Variants in SPANXN1 observed in about 807,000 individuals in gnomAD.
SPANXN1 encodes sperm protein associated with the nucleus on the X chromosome N1.
In SPANXN1, 1 loss-of-function variant was observed where a neutral mutation model predicts 2.0. The observed-to-expected ratio is 0.50, with a 90% CI of 0.18 to 2.36. SPANXN1 has a LOEUF of 2.36. SPANXN1 is among the 30% of genes most tolerant of loss of function. SPANXN1 has a pLI of 0.26. For synonymous variants in SPANXN1, 27 were observed against 21.3 expected, an observed-to-expected ratio of 1.27 and a Z score of -0.74; for missense variants, 55 against 51.8, an observed-to-expected ratio of 1.06 and a Z score of -0.19.
At chrX:145,254,376 G>C (rs1196715711) in intron 1 of SPANXN1, among the ~76,000 whole-genome samples, 1 of 112,172 alleles carries the variant, frequency 8.9e-6, no homozygotes, top group Non-Finnish European at 1.9e-5. Flanking sequence ...TTTTTTGGAA[G>C]AGGGGAGTGA....
At chrX:145,248,275 AG>A (rs2070770280) in intron 1 of SPANXN1, among the ~76,000 whole-genome samples, 1 of 111,650 alleles carries the variant, frequency 9.0e-6, no homozygotes, top group Non-Finnish European at 1.9e-5. Flanking sequence ...GACTTGGCAG[AG>A]GAGAAGGATG....
intron 1 of SPANXN1, among the ~76,000 whole-genome samples, chrX:145,252,764 G>A (rs2070791401): frequency 9.1e-6 from 1 of 110,110 alleles, no homozygotes; most frequent in African/African-American, 3.3e-5. Context: ...GGAGGTCTGG[G>A]ATTTACTTAA....
At chrX:145,248,456 T>G (rs1394031027) in intron 1 of SPANXN1, among the ~76,000 whole-genome samples, 4 of 111,985 alleles carry the variant, frequency 3.6e-5, no homozygotes, top group Admixed American at 2.8e-4. Context: ...GCATCAGAGA[T>G]GCTTAGTTCT....
At chrX:145,254,997 C>T (rs1556882914) in intron 1 of SPANXN1, among the ~76,000 whole-genome samples, 1 of 107,006 alleles carries the variant, frequency 9.3e-6, no homozygotes, top group African/African-American at 3.8e-5. Context: ...CCCATTAGAA[C>T]CCAATCACCA....
At chrX:145,252,921 G>A (rs1408384887) in intron 1 of SPANXN1, among the ~76,000 whole-genome samples, 3 of 110,618 alleles carry the variant, frequency 2.7e-5, no homozygotes, top group Non-Finnish European at 3.8e-5. Flanking sequence ...ATTGAAAAAC[G>A]GAAAAAGGGT....
At chrX:145,251,900 T>G (rs2070787414) in intron 1 of SPANXN1, among the ~76,000 whole-genome samples, 1 of 110,951 alleles carries the variant, frequency 9.0e-6, no homozygotes, top group Admixed American at 9.6e-5. Context: ...ATGTCCCAAA[T>G]TAGCTCCTTT....
chrX:145,249,173 G>C (rs2070775079), intron 1 of SPANXN1, among the ~76,000 whole-genome samples: 1 of 110,696 alleles, frequency 9.0e-6, no homozygotes, highest in South Asian at 3.9e-4. Flanking sequence ...AGGTTGACAG[G>C]AAGGGATGTG....
At chrX:145,249,871 A>G (rs12009382) in intron 1 of SPANXN1, among the ~76,000 whole-genome samples, 3,717 of 110,702 alleles carry the variant, frequency 0.034, 163 homozygotes, top group African/African-American at 0.12. Flanking sequence ...ATGTTGGGTG[A>G]GGTGTAACGC....
intron 1 of SPANXN1, 71 bp from the exon 2 acceptor site, chrX:145,255,600 C>G: frequency 1.7e-6 from 2 of 1,192,798 alleles, no homozygotes; most frequent in Non-Finnish European, 2.3e-6. Context: ...ATAAAGCCCC[C>G]CTTGCTATCC....
chrX:145,248,955 G>A (rs782315524), intron 1 of SPANXN1, among the ~76,000 whole-genome samples: 4 of 111,731 alleles, frequency 3.6e-5, no homozygotes, highest in Non-Finnish European at 7.5e-5. Context: ...GCGTTGGTAA[G>A]AGGTATTTTA....
chrX:145,255,863 T>C lies in SPANXN1; in HGVS notation c.*49T>C, dbSNP rs782773441. 5 of 1,211,322 alleles carry C rather than the reference T, an allele frequency of 4.1e-6. No homozygotes were observed. The highest frequency in any genetic ancestry group is 5.6e-6 in the Non-Finnish European group (5 of 895,090). ...AGAGGAGGAGGACGAAGGCCTAGACTCAGCTGAAGGATCTTCAAAGCAGGA... is the reference window on the plus strand; with the variant it reads ...AGAGGAGGAGGACGAAGGCCTAGACCCAGCTGAAGGATCTTCAAAGCAGGA... On this transcript the variant is annotated 3_prime_UTR_variant, in exon 2 of 2. Coordinates refer to ENST00000370493, the MANE Select transcript of SPANXN1 (RefSeq NM_001009614.3).
chrX:145,251,449 A>G (rs1346812912), intron 1 of SPANXN1, among the ~76,000 whole-genome samples: 2 of 111,758 alleles, frequency 1.8e-5, no homozygotes, highest in African/African-American at 6.5e-5. Context: ...TGTGCCTCTA[A>G]GGCCAGTGAT....
intron 1 of SPANXN1, among the ~76,000 whole-genome samples, chrX:145,255,110 A>G (rs782108844): frequency 8.9e-6 from 1 of 111,802 alleles, no homozygotes; most frequent in Admixed American, 9.4e-5. Flanking sequence ...ACACAGGAAT[A>G]TTGCAGAAAC....
chrX:145,253,657 A>G (rs182097466), intron 1 of SPANXN1, among the ~76,000 whole-genome samples: 66 of 110,823 alleles, frequency 6.0e-4, no homozygotes, highest in African/African-American at 1.9e-3. Context: ...GACAATTCCA[A>G]TTGGGGTCAG....
chrX:145,256,041 C>T lies in SPANXN1; in HGVS notation c.*227C>T. 1.7e-6 allele frequency: 1 copy of T among 600,241 alleles called. No homozygotes were observed. Among genetic ancestry groups the T allele is most frequent in the South Asian group, 2.7e-5 (1 of 37,257 alleles). 49.5% of individuals were successfully genotyped at this position (600,241 alleles called of 1,213,427 possible). ...AAGCAGGATGAAGACCTAGACTTACCTGAAGGATCTTCACAGGAGGATAAA... is the reference window on the plus strand; with the variant it reads ...AAGCAGGATGAAGACCTAGACTTACTTGAAGGATCTTCACAGGAGGATAAA... On this transcript the variant is annotated 3_prime_UTR_variant, in exon 2 of 2. Transcript: ENST00000370493.
chrX:145,250,158 C>T (rs2070779817), intron 1 of SPANXN1, among the ~76,000 whole-genome samples: 1 of 111,601 alleles, frequency 9.0e-6, no homozygotes, highest in Non-Finnish European at 1.9e-5. Flanking sequence ...CAGCTGTTGG[C>T]TGAACTGTGA....
chrX:145,248,613 C>T (rs1279667216), intron 1 of SPANXN1, among the ~76,000 whole-genome samples: 7 of 111,498 alleles, frequency 6.3e-5, no homozygotes, highest in Admixed American at 3.8e-4. Flanking sequence ...TGGCGGTTAA[C>T]GAAAGTTGTA....
At chrX:145,250,712 T>A (rs1321604357) in intron 1 of SPANXN1, among the ~76,000 whole-genome samples, 4 of 111,053 alleles carry the variant, frequency 3.6e-5, no homozygotes, top group Non-Finnish European at 5.7e-5. Flanking sequence ...AAATGAGCAA[T>A]AACGATGGGG....
rs143506555 is a variant in SPANXN1 at position 145,251,403 on chromosome X, G to A, written c.75+3742G>A. Among the ~76,000 whole-genome samples, 949 of 112,140 alleles carry A rather than the reference G, an allele frequency of 8.5e-3. 15 individuals carry two copies. The highest frequency in any genetic ancestry group is 0.03 in the African/African-American group (914 of 30,853). On this transcript the variant is annotated intron_variant, in intron 1 of 1. Coordinates refer to ENST00000370493, the MANE Select transcript of SPANXN1 (RefSeq NM_001009614.3). ...TATGAGGTCCTGTAGGTAATGGGAAGATGCAATAGTAATGTGTTGGTAAAG... is the reference window on the plus strand; with the variant it reads ...TATGAGGTCCTGTAGGTAATGGGAAAATGCAATAGTAATGTGTTGGTAAAG...
Sources: gnomAD v4.1 joint callset for allele counts (sites outside exome capture counted in the v4.1 genomes callset) on GRCh38, gnomAD v4.1.1 for gene constraint, MANE v1.5 for transcripts, NCBI Gene and HGNC (gene_info 2026-07-23, HGNC 2026-07-21) for gene names.